The following FAM120C variants were observed in gnomAD, a reference collection of about 807,000 sequenced individuals.
FAM120C encodes constitutive coactivator of PPAR-gamma-like protein 2.
In FAM120C, 14 loss-of-function variants were observed where a neutral mutation model predicts 71.2. The observed-to-expected ratio is 0.20, with a 90% CI of 0.13 to 0.31. The LOEUF (loss-of-function observed/expected upper bound fraction) is 0.31, where lower values mean the gene tolerates loss of function less well. Among genes scored for constraint, FAM120C ranks in the 10% least tolerant of loss-of-function variants. FAM120C has a pLI of 1.00. For missense variants in FAM120C, 500 were observed against 879.0 expected, an observed-to-expected ratio of 0.57 and a Z score of 5.45; for synonymous variants, 354 against 353.2, an observed-to-expected ratio of 1.00 and a Z score of -0.03.
chrX:54,104,727 G>A (rs2066897785), intron 10 of FAM120C, among the ~76,000 whole-genome samples: 1 of 109,610 alleles, frequency 9.1e-6, no homozygotes, highest in African/African-American at 3.3e-5. Flanking sequence ...AGAATCGCTT[G>A]AACCTGGGAG....
intron 10 of FAM120C, among the ~76,000 whole-genome samples, chrX:54,113,009 A>T (rs1201396348): frequency 9.2e-6 from 1 of 109,061 alleles, no homozygotes; most frequent in Non-Finnish European, 1.9e-5. Context: ...AACAAGAGCA[A>T]AACTCCATCT....
rs782034184 is a variant in FAM120C at position 54,132,777 on chromosome X, T to C, written c.1977A>G (p.Gln659=). The change falls in exon 9 of 16, where the codon CAA becomes CAG. Residue 659 remains glutamine, a synonymous_variant. Transcript: ENST00000375180. The part of the protein sequence containing the change: ...PAALLFRSAR[Q]YVYGVLFSLA... ...GACTAAAAAGAACTCCATATACATA[T>C]TGACGAGCTGACCGGAATAAGAGAG... 4.5e-5 allele frequency: 54 copies of C among 1,208,051 alleles called. No homozygotes were observed. The Admixed American group carries it at 1.1e-3, about 26-fold the overall frequency.
At chrX:54,150,319 G>A (rs2067178154) in intron 4 of FAM120C, among the ~76,000 whole-genome samples, 1 of 111,971 alleles carries the variant, frequency 8.9e-6, no homozygotes, top group Non-Finnish European at 1.9e-5. Context: ...AATATCTCAT[G>A]TAATATACTG....
chrX:54,156,251 T>C (rs1162268026), intron 3 of FAM120C, among the ~76,000 whole-genome samples: 1 of 103,972 alleles, frequency 9.6e-6, no homozygotes, highest in Non-Finnish European at 2.0e-5. Context: ...ACGAGGGAAA[T>C]AGAATACAAT....
intron 10 of FAM120C, among the ~76,000 whole-genome samples, chrX:54,110,178 C>T (rs1283177193): frequency 1.9e-5 from 2 of 107,232 alleles, no homozygotes; most frequent in African/African-American, 3.4e-5. Context: ...TTAGTAGAGA[C>T]GAGGTTTCAC....
intron 4 of FAM120C, among the ~76,000 whole-genome samples, chrX:54,144,719 T>A (rs1282039411): frequency 8.9e-6 from 1 of 112,137 alleles, no homozygotes; most frequent in Non-Finnish European, 1.9e-5. Context: ...AGAATCAATA[T>A]TGTGAAAATG....
chrX:54,143,209 G>C, intron 4 of FAM120C, among the ~76,000 whole-genome samples: 1 of 111,468 alleles, frequency 9.0e-6, no homozygotes, highest in Admixed American at 9.6e-5. Context: ...ACAAGAGAAA[G>C]CAGGAAAGAT....
At chrX:54,100,998 C>T (rs1424155635) in intron 10 of FAM120C, among the ~76,000 whole-genome samples, 1 of 111,518 alleles carries the variant, frequency 9.0e-6, no homozygotes, top group Non-Finnish European at 1.9e-5. Flanking sequence ...CCTTATGTTC[C>T]TACTGGGCAT....
chrX:54,173,154 T>C (rs782607814), intron 1 of FAM120C, among the ~76,000 whole-genome samples: 1 of 112,951 alleles, frequency 8.9e-6, no homozygotes, highest in African/African-American at 3.2e-5. Flanking sequence ...TTTTGTGGCA[T>C]CACTTATTTT....
At chrX:54,167,392 A>G (rs1163036717) in intron 1 of FAM120C, among the ~76,000 whole-genome samples, 2 of 111,944 alleles carry the variant, frequency 1.8e-5, no homozygotes, top group African/African-American at 6.5e-5. Flanking sequence ...CAACTATAAC[A>G]TAACCAAACA....
intron 4 of FAM120C, among the ~76,000 whole-genome samples, chrX:54,139,097 T>C (rs964100384): frequency 7.2e-5 from 8 of 110,913 alleles, no homozygotes; most frequent in Non-Finnish European, 1.3e-4. Flanking sequence ...GGTTATTTCA[T>C]AGGGCAAATT....
At chrX:54,096,905 C>T (rs782250388) in intron 10 of FAM120C, among the ~76,000 whole-genome samples, 11 of 111,532 alleles carry the variant, frequency 9.9e-5, no homozygotes, top group Non-Finnish European at 1.5e-4. Context: ...CCTATCCCAG[C>T]AGTGTGTCAG....
In FAM120C at chrX:54,183,040, A is replaced by C. The variant is rs891950780; in HGVS notation, c.159T>G (p.Ala53=). Residue 53 remains alanine (A), a synonymous_variant, in exon 1 of 16, where the codon GCT becomes GCG. Transcript: ENST00000375180. ...GCACGGAGCCCCTGGCGGCGCGTGG[A>C]GCCCCGGGCGCTAGGGCTGCAGTCG... ...LPPTAALAPG[A]PRAARGSVPL... 1 of 1,156,671 alleles carries C rather than the reference A, an allele frequency of 8.6e-7. No individual in the cohort carries two copies. Among genetic ancestry groups the C allele is most frequent in the Admixed American group, 2.6e-5 (1 of 38,601 alleles).
chrX:54,072,996 T>C lies in FAM120C; in HGVS notation c.*37A>G, dbSNP rs1183641378. On this transcript the variant is annotated 3_prime_UTR_variant, in exon 16 of 16. Coordinates refer to ENST00000375180, the MANE Select transcript of FAM120C (RefSeq NM_017848.6). ...CTAAAATCAGAAAAGTAAAAGTTTT[T>C]CCCTCTTCCTGGTTTGGTGAAGCCA... The C allele has an allele frequency of 1.7e-6, 2 of 1,168,967 alleles. No homozygotes were observed. Among genetic ancestry groups the C allele is most frequent in the Non-Finnish European group, 2.3e-6 (2 of 873,587 alleles).
In FAM120C at chrX:54,093,852, AT is replaced by A. The variant is rs782450923; in HGVS notation, c.2313-2427del. Among the ~76,000 whole-genome samples, 16 of 111,849 alleles carry A rather than the reference AT, an allele frequency of 1.4e-4. No homozygotes were observed. In the South Asian group the frequency reaches 5.9e-3, roughly 41 times the overall value. The stretch of plus-strand genomic sequence containing the variant: ...TACTTATTCCCAAGGAATTTCCTGA[AT>A]TTTAATGATGACAGCTTTATTATTG... On this transcript the variant is annotated intron_variant, in intron 10 of 15. Transcript: ENST00000375180.
Position 54,116,585 on chromosome X carries a change from T to C in FAM120C, c.2272A>G (p.Asn758Asp), listed in dbSNP as rs2146592554. 1.7e-6 allele frequency: 2 copies of C among 1,211,609 alleles called. No individual in the cohort carries two copies. The highest frequency in any genetic ancestry group is 2.2e-6 in the Non-Finnish European group (2 of 895,357). ...SDTPSMLNPA[N>D]VPTHLLLMCC... is the part of the protein sequence containing the mutation. ...ATGAGCAGCAGATGGGTGGGGACAT[T>C]AGCTGGATTGAGCATACTGGGCGTG... The change falls in exon 10 of 16, where the codon AAT becomes GAT. Residue 758 changes from asparagine to aspartate, a missense_variant. Asn to Asp is a conservative substitution (Grantham distance 23). This residue lies in a region of FAM120C where 104 missense variants were observed against 254.5 expected (regional missense o/e 0.41). Coordinates refer to ENST00000375180, the MANE Select transcript of FAM120C (RefSeq NM_017848.6).
intron 9 of FAM120C, among the ~76,000 whole-genome samples, chrX:54,127,542 G>A (rs2067034138): frequency 1.1e-5 from 1 of 92,226 alleles, no homozygotes; most frequent in African/African-American, 4.2e-5. Context: ...AGTGAGCCGA[G>A]ATTGTGCCAC....
chrX:54,080,199 C>A (rs782224012), intron 15 of FAM120C, 33 bp downstream of exon 15: 2 of 1,157,373 alleles, frequency 1.7e-6, no homozygotes, highest in Non-Finnish European at 2.4e-6. Context: ...AGGCATCAAA[C>A]AGAAGCTAAA....
Position 54,091,430 on chromosome X carries a change from G to A in FAM120C, c.2313-4C>T. 1 of 1,167,269 alleles carries A rather than the reference G, an allele frequency of 8.6e-7. No individual in the cohort carries two copies. Among genetic ancestry groups the A allele is most frequent in the South Asian group, 1.8e-5 (1 of 54,832 alleles). On this transcript the variant is annotated splice_region_variant and splice_polypyrimidine_tract_variant and intron_variant, in intron 10 of 15. Transcript: ENST00000375180. ...ACCAGGCCACTGAACCATGTACCTA[G>A]AAAATAAAAGCACTGTTATTAGGCC...
Sources: allele counts gnomAD v4.1 joint callset (sites outside exome capture counted in the v4.1 genomes callset), GRCh38; gene constraint gnomAD v4.1.1; regional missense constraint gnomAD v4.1.1; transcripts MANE v1.5; gene names NCBI Gene and HGNC (gene_info 2026-07-23, HGNC 2026-07-21).